Variants in GPC5 observed in about 807,000 individuals in gnomAD.
GPC5 encodes the protein glypican 5, also known as glypican-5.
GPC5 carries 47 observed loss-of-function variants against 53.9 expected under a neutral mutation model. That is an observed-to-expected ratio of 0.87 (90% confidence interval 0.69 to 1.11). The LOEUF is 1.11. Ranked by LOEUF, GPC5 falls within the 50% of genes most tolerant of loss-of-function variation. The pLI, the probability that GPC5 is intolerant of heterozygous loss-of-function variation, is 0.00. For missense variants in GPC5, 748 were observed against 713.1 expected (o/e 1.05, Z -0.56); for synonymous variants, 286 against 263.3 (o/e 1.09, Z -0.84).
intron 6 of GPC5, among the ~76,000 whole-genome samples, chr13:91,933,654 C>G (rs964823256): frequency 6.6e-6 from 1 of 151,882 alleles, no homozygotes; most frequent in East Asian, 1.9e-4. Flanking sequence ...TTGTAACAAT[C>G]TTCAAAACCT....
intron 7 of GPC5, among the ~76,000 whole-genome samples, chr13:92,699,189 T>C (rs1887652845): frequency 6.6e-6 from 1 of 152,226 alleles, no homozygotes; most frequent in Non-Finnish European, 1.5e-5. Context: ...TATCCATTTC[T>C]TCTAGATTTT....
At chr13:92,552,719 T>C (rs1036696054) in intron 7 of GPC5, among the ~76,000 whole-genome samples, 7 of 151,950 alleles carry the variant, frequency 4.6e-5, no homozygotes, top group African/African-American at 7.2e-5. Flanking sequence ...TCACTGTGTC[T>C]ACTTGGAGTC....
At chr13:91,667,020 C>T (rs973050525) in intron 2 of GPC5, among the ~76,000 whole-genome samples, 4 of 152,076 alleles carry the variant, frequency 2.6e-5, no homozygotes, top group Admixed American at 1.3e-4. Context: ...AGCATTTCAC[C>T]ATAGAGAATT....
At chr13:91,701,661 G>A (rs2035995408) in intron 3 of GPC5, among the ~76,000 whole-genome samples, 1 of 151,986 alleles carries the variant, frequency 6.6e-6, no homozygotes, top group East Asian at 1.9e-4. Flanking sequence ...AGAATCATAT[G>A]TATATATCTC....
chr13:92,438,141 C>T (rs1877390484), intron 7 of GPC5, among the ~76,000 whole-genome samples: 3 of 151,656 alleles, frequency 2.0e-5, no homozygotes, highest in Non-Finnish European at 4.4e-5. Flanking sequence ...GTGTTTAGTG[C>T]TGGGAATAAA....
chr13:92,436,982 AG>A (rs2139380881), intron 7 of GPC5, among the ~76,000 whole-genome samples: 1 of 152,342 alleles, frequency 6.6e-6, no homozygotes, highest in Non-Finnish European at 1.5e-5. Flanking sequence ...AATATAAAAA[AG>A]GATATCTTCT....
chr13:92,276,515 A>C (rs1192442817), intron 7 of GPC5, among the ~76,000 whole-genome samples: 1 of 152,136 alleles, frequency 6.6e-6, no homozygotes, highest in Admixed American at 6.6e-5. Context: ...CATAGTTGGA[A>C]TCACAAACAA....
At chr13:92,264,462 T>C (rs1051996120) in intron 7 of GPC5, among the ~76,000 whole-genome samples, 2 of 151,974 alleles carry the variant, frequency 1.3e-5, no homozygotes, top group African/African-American at 4.8e-5. Flanking sequence ...AGTTTTTGGG[T>C]TTGCAATGGA....
chr13:92,267,344 T>C (rs1249077419), intron 7 of GPC5, among the ~76,000 whole-genome samples: 1 of 152,118 alleles, frequency 6.6e-6, no homozygotes. Context: ...CAGAATTTTC[T>C]CATAATAATT....
chr13:92,041,044 G>T (rs1425756519), intron 6 of GPC5, among the ~76,000 whole-genome samples: 1 of 151,658 alleles, frequency 6.6e-6, no homozygotes, highest in Non-Finnish European at 1.5e-5. Flanking sequence ...GAGAGACAGG[G>T]TTTCACCATG....
chr13:91,888,854 T>C (rs1172356072), intron 5 of GPC5, among the ~76,000 whole-genome samples: 1 of 152,050 alleles, frequency 6.6e-6, no homozygotes, highest in East Asian at 1.9e-4. Flanking sequence ...CTCAAACTTA[T>C]TAAAATCCCA....
intron 7 of GPC5, among the ~76,000 whole-genome samples, chr13:92,300,216 T>C (rs896547002): frequency 1.1e-4 from 16 of 152,172 alleles, no homozygotes; most frequent in African/African-American, 2.7e-4. Context: ...ACAGGGAAGC[T>C]TGGTTCCTAA....
intron 6 of GPC5, among the ~76,000 whole-genome samples, chr13:92,003,505 TAAACTC>T (rs1309129419): frequency 6.6e-6 from 1 of 152,100 alleles, no homozygotes; most frequent in Non-Finnish European, 1.5e-5. Flanking sequence ...ATATTAGAGT[TAAACTC>T]TATATGCAGC....
intron 6 of GPC5, among the ~76,000 whole-genome samples, chr13:91,931,836 A>T (rs1235814223): frequency 6.6e-6 from 1 of 152,016 alleles, no homozygotes; most frequent in Non-Finnish European, 1.5e-5. Flanking sequence ...ATGTGATCCC[A>T]CATGACTGGA....
chr13:92,644,300 A>C (rs531432172), intron 7 of GPC5, among the ~76,000 whole-genome samples: 7 of 152,342 alleles, frequency 4.6e-5, no homozygotes, highest in African/African-American at 1.7e-4. Flanking sequence ...TTTAGAAACA[A>C]ATATCTAATA....
intron 6 of GPC5, among the ~76,000 whole-genome samples, chr13:92,120,205 A>G (rs1170806574): frequency 6.6e-6 from 1 of 152,176 alleles, no homozygotes; most frequent in African/African-American, 2.4e-5. Flanking sequence ...AACTCTTGAT[A>G]AAATTTACTC....
intron 6 of GPC5, among the ~76,000 whole-genome samples, chr13:92,059,599 T>A (rs1240173070): frequency 6.6e-6 from 1 of 152,042 alleles, no homozygotes; most frequent in Non-Finnish European, 1.5e-5. Context: ...TGTCAATACC[T>A]GATGTCATTT....
rs1295830590 is a variant in GPC5, at chr13:92,247,747, A to G, written c.1561+102758A>G. Among the ~76,000 whole-genome samples the G allele has an allele frequency of 2.6e-5, 4 of 152,146 alleles. No homozygotes were observed. The South Asian group carries it at 6.2e-4, about 24-fold the overall frequency. The stretch of plus-strand genomic sequence containing the variant: ...TGGTTTCATCCTATGTTTAACTACC[A>G]TATAATAGAATACTAGCTTTTCTTA... On this transcript the variant is annotated intron_variant, in intron 7 of 7. Transcript: ENST00000377067.
intron 7 of GPC5, among the ~76,000 whole-genome samples, chr13:92,582,962 T>G (rs1883417490): frequency 6.6e-6 from 1 of 152,198 alleles, no homozygotes; most frequent in East Asian, 1.9e-4. Flanking sequence ...TTTTCCTTCC[T>G]ATTTGGACAC....
Sources: allele counts gnomAD v4.1 joint callset (sites outside exome capture counted in the v4.1 genomes callset), GRCh38; gene constraint gnomAD v4.1.1; transcripts MANE v1.5; gene names NCBI Gene and HGNC (gene_info 2026-07-23, HGNC 2026-07-21).